The following RAP1GAP2 variants were observed in gnomAD, a reference collection of about 807,000 sequenced individuals.
The protein encoded by RAP1GAP2 is rap1 GTPase-activating protein 2.
RAP1GAP2 carries 27 observed loss-of-function variants against 95.0 expected under a neutral mutation model. That is an observed-to-expected ratio of 0.28 (90% CI 0.21 to 0.39). The LOEUF is 0.39. Among genes scored for constraint, RAP1GAP2 ranks in the 10% least tolerant of loss-of-function variants. The pLI is 1.00. For missense variants in RAP1GAP2, 771 were observed against 970.0 expected, an observed-to-expected ratio of 0.79 and a Z score of 2.72; for synonymous variants, 373 against 380.9, an observed-to-expected ratio of 0.98 and a Z score of 0.24.
At chr17:2,894,392 T>G (rs147507628) in intron 2 of RAP1GAP2, among the ~76,000 whole-genome samples, 262 of 152,320 alleles carry the variant, frequency 1.7e-3, no homozygotes, top group African/African-American at 6.0e-3. Context: ...ATCGCGCCAC[T>G]GCTCTCCAGA....
Position 2,959,436 on chromosome 17 carries a change from G to A in RAP1GAP2, c.201+1642G>A, listed in dbSNP as rs1206756760. ...GAGACTGTTGAAGCCAAATTTCTGG[G>A]TGTTTAAGTCCCTACCATGTGCCCC... On this transcript the variant is annotated intron_variant, in intron 4 of 24. Transcript: ENST00000254695. 2.0e-5 allele frequency among the ~76,000 whole-genome samples: 3 copies of A among 152,292 alleles called. No individual in the cohort carries two copies. The East Asian group carries it at 5.8e-4, about 29-fold the overall frequency.
chr17:2,918,644 C>T (rs982340715), intron 3 of RAP1GAP2, among the ~76,000 whole-genome samples: 1 of 151,914 alleles, frequency 6.6e-6, no homozygotes, highest in Non-Finnish European at 1.5e-5. Flanking sequence ...ACAACCAGAG[C>T]TCGTGAGAAT....
chr17:2,883,761 G>T (rs1201335195), intron 2 of RAP1GAP2, among the ~76,000 whole-genome samples: 2 of 151,862 alleles, frequency 1.3e-5, no homozygotes, highest in African/African-American at 4.8e-5. Context: ...ATGATTGGCA[G>T]AGAATCCCAG....
intron 3 of RAP1GAP2, among the ~76,000 whole-genome samples, chr17:2,932,336 T>G (rs1161480995): frequency 2.0e-5 from 3 of 151,710 alleles, no homozygotes; most frequent in Non-Finnish European, 4.4e-5. Context: ...CACCTCATGG[T>G]CTCTCTGGGG....
At chr17:2,841,133 C>T (rs1470705945) in intron 2 of RAP1GAP2, among the ~76,000 whole-genome samples, 1 of 151,632 alleles carries the variant, frequency 6.6e-6, no homozygotes, top group Non-Finnish European at 1.5e-5. Flanking sequence ...CCAGCCTGGG[C>T]AAGAAGAGCT....
At chr17:2,789,343 C>T (rs974852830) in intron 1 of RAP1GAP2, among the ~76,000 whole-genome samples, 6 of 152,016 alleles carry the variant, frequency 3.9e-5, no homozygotes, top group Admixed American at 1.3e-4. Flanking sequence ...CCACCGTGGC[C>T]GGCATTATCA....
upstream of RAP1GAP2, among the ~76,000 whole-genome samples, chr17:2,775,906 C>G (rs557933280): frequency 1.3e-5 from 2 of 152,290 alleles, no homozygotes; most frequent in East Asian, 3.9e-4. Context: ...AGGCCGAGCG[C>G]GGTGGCTCAT....
chr17:2,934,355 C>T (rs1212707703), intron 3 of RAP1GAP2, among the ~76,000 whole-genome samples: 1 of 152,220 alleles, frequency 6.6e-6, no homozygotes, highest in Non-Finnish European at 1.5e-5. Flanking sequence ...TGGTCTTGAA[C>T]TCCTGACCTC....
At chr17:2,763,098 T>C (rs545385931) in intron 1 of RAP1GAP2, among the ~76,000 whole-genome samples, 4 of 152,300 alleles carry the variant, frequency 2.6e-5, no homozygotes, top group East Asian at 3.9e-4. Context: ...GGGAAGATAG[T>C]TGGAGATGGC....
chr17:2,868,516 ATT>A lies in RAP1GAP2; in HGVS notation c.81-36750_81-36749del, dbSNP rs71153307. On this transcript the variant is annotated intron_variant, in intron 2 of 24. Transcript: ENST00000254695. ...TTTAGCAATTCCTCTACCAGGTGCA[ATT>A]TTTTTTTTTTTTTTTTTGAGATGGA... 9.6e-3 allele frequency among the ~76,000 whole-genome samples: 1,180 copies of A among 122,770 alleles called. 9 individuals are homozygous for A. Among genetic ancestry groups the A allele is most frequent in the Admixed American group, 0.011 (124 of 11,500 alleles). The allele number at this position is 122,770 out of a possible 152,430, so 80.5% of individuals were successfully genotyped here.
intron 3 of RAP1GAP2, among the ~76,000 whole-genome samples, chr17:2,954,394 A>G (rs4790382): frequency 0.99 from 150,746 of 152,128 alleles, 74,785 homozygotes; most frequent in Middle Eastern, 1. Flanking sequence ...TTGAGCCACC[A>G]CGCCTGGCCT....
rs542736345 is a variant in RAP1GAP2, at chr17:3,036,754, C to T, written c.*3393C>T. ...GGTCAAAGAAAAACTCTTCATTTCTCCCTGATTCTTAAACGAAGGTGGTTA... is the reference window on the plus strand; with the variant it reads ...GGTCAAAGAAAAACTCTTCATTTCTTCCTGATTCTTAAACGAAGGTGGTTA... On this transcript the variant is annotated 3_prime_UTR_variant, in exon 25 of 25. Coordinates refer to ENST00000254695, the MANE Select transcript of RAP1GAP2 (RefSeq NM_015085.5). The T allele has an allele frequency of 2.2e-4, 34 of 152,708 alleles. No homozygotes were observed. Among genetic ancestry groups the T allele is most frequent in the African/African-American group, 7.5e-4 (31 of 41,538 alleles). 9.5% of individuals were successfully genotyped at this position (152,708 alleles called of 1,614,324 possible). A position where few individuals can be genotyped will look rare whatever the true frequency, so the allele number is the denominator to read the frequency against.
intron 11 of RAP1GAP2, 122 bp downstream of exon 11, chr17:2,985,188 C>A: frequency 6.6e-7 from 1 of 1,509,232 alleles, no homozygotes; most frequent in South Asian, 1.4e-5. Flanking sequence ...ATACAACGGT[C>A]ACATTTAAGG....
chr17:3,019,225 G>A (rs2046875496), intron 18 of RAP1GAP2, among the ~76,000 whole-genome samples: 1 of 152,134 alleles, frequency 6.6e-6, no homozygotes, highest in Non-Finnish European at 1.5e-5. Flanking sequence ...GGAAGGGGAG[G>A]GAATCATGTA....
intron 2 of RAP1GAP2, among the ~76,000 whole-genome samples, chr17:2,893,678 C>T (rs940281836): frequency 4.8e-4 from 73 of 152,190 alleles, no homozygotes; most frequent in Admixed American, 4.7e-3. Context: ...TGACCTTGTG[C>T]GCTGGCTGCC....
chr17:2,889,680 A>AT (rs66922781), intron 2 of RAP1GAP2, among the ~76,000 whole-genome samples: 1,458 of 108,516 alleles, frequency 0.013, 41 homozygotes, highest in African/African-American at 0.044. Context: ...TCTGCGCTGG[A>AT]TTTTTTTTTT....
At position 3,003,067 on chromosome 17, in the gene RAP1GAP2, G is replaced by A. The variant is rs1567881462; in HGVS notation, c.1201-2302G>A. Reference sequence around the variant, plus strand: ...ACGGTGCTGGGTCCTTAGACGCACAGTCTTGAATCCTGACAAGCCCCTGGT... The same window carrying A: ...ACGGTGCTGGGTCCTTAGACGCACAATCTTGAATCCTGACAAGCCCCTGGT... On this transcript the variant is annotated intron_variant, in intron 14 of 24. Transcript: ENST00000254695. This position sits in a 1 kb window ranked among gnomAD's most constrained non-coding sequence, Gnocchi z 4.1. Among the ~76,000 whole-genome samples the A allele has an allele frequency of 6.6e-6, 1 of 152,174 alleles. No individual in the cohort carries two copies. The highest frequency in any genetic ancestry group is 1.5e-5 in the Non-Finnish European group (1 of 68,032).
chr17:2,844,178 G>A (rs1388238539), intron 2 of RAP1GAP2, among the ~76,000 whole-genome samples: 2 of 152,020 alleles, frequency 1.3e-5, no homozygotes, highest in African/African-American at 2.4e-5. Context: ...CCGCCACCAT[G>A]CCTGGCTAAT....
chr17:2,761,185 C>T (rs768027122), intron 1 of RAP1GAP2, among the ~76,000 whole-genome samples: 1 of 150,486 alleles, frequency 6.6e-6, no homozygotes, highest in Non-Finnish European at 1.5e-5. Context: ...GAACTCCTGA[C>T]CTTAAATGAT....
Sources: gnomAD v4.1 joint callset for allele counts (sites outside exome capture counted in the v4.1 genomes callset) on GRCh38, gnomAD v4.1.1 for gene constraint, Gnocchi (gnomAD v3.1) non-coding constraint, MANE v1.5 for transcripts, NCBI Gene and HGNC (gene_info 2026-07-23, HGNC 2026-07-21) for gene names.